The following MAP3K9 variants were observed in gnomAD, a reference collection of about 807,000 sequenced individuals.
MAP3K9 encodes the protein mixed lineage kinase 1 (tyr and ser/thr specificity).
In MAP3K9, 46 loss-of-function variants were observed where a neutral mutation model predicts 95.8. The ratio of observed to expected loss-of-function variants is 0.48; its 90% CI spans 0.38 to 0.61. MAP3K9 has a LOEUF of 0.61. MAP3K9 is among the 20% of genes least tolerant of loss of function. MAP3K9 has a pLI of 0.00. For missense variants in MAP3K9, 1,296 were observed against 1,474.3 expected (o/e 0.88, Z 1.98); for synonymous variants, 533 against 593.8 (o/e 0.90, Z 1.49).
At chr14:70,767,186 C>T (rs1056991936) in intron 2 of MAP3K9, among the ~76,000 whole-genome samples, 9 of 152,036 alleles carry the variant, frequency 5.9e-5, no homozygotes, top group South Asian at 4.2e-4. Context: ...CAGTTCAAGA[C>T]GAGACTGGCC....
chr14:70,743,512 G>GA (rs201887598), intron 5 of MAP3K9, among the ~76,000 whole-genome samples: 56 of 141,830 alleles, frequency 3.9e-4, no homozygotes, highest in Middle Eastern at 3.6e-3. Flanking sequence ...AAATTTACAA[G>GA]AAAAAAAAAA....
In MAP3K9 at chr14:70,722,887, CAT is replaced by C. The variant is rs1009363073; in HGVS notation, c.*7491_*7492del. 6 of 152,316 alleles carry C rather than the reference CAT, an allele frequency of 3.9e-5. No individual in the cohort carries two copies. The highest frequency in any genetic ancestry group is 3.9e-4 in the East Asian group (2 of 5,186). 9.4% of individuals were successfully genotyped at this position (152,316 alleles called of 1,614,324 possible). A position where few individuals can be genotyped will look rare whatever the true frequency, so the allele number is the denominator to read the frequency against. On this transcript the variant is annotated 3_prime_UTR_variant, in exon 12 of 12. Transcript: ENST00000554752. ...TAATTACAGAGCAACCAAACAAACA[CAT>C]GTGTGAACTTTCACTTCACCTAGAC...
rs1477791595 is a variant in MAP3K9, at chr14:70,725,750, G to A, written c.*4630C>T. 6.6e-6 allele frequency: 1 copy of A among 152,210 alleles called. No homozygotes were observed. Among genetic ancestry groups the A allele is most frequent in the Non-Finnish European group, 1.5e-5 (1 of 68,042 alleles). The allele number at this position is 152,210 out of a possible 1,614,324, so 9.4% of individuals were successfully genotyped here. A position where few individuals can be genotyped will look rare whatever the true frequency, so the allele number is the denominator to read the frequency against. On this transcript the variant is annotated 3_prime_UTR_variant, in exon 12 of 12. Coordinates refer to ENST00000554752, the MANE Select transcript of MAP3K9 (RefSeq NM_001284230.2). ...AGTCATTCTCAGACCTAAAGCCAAA[G>A]AGAGAGGCAGGTACATTAGGGTGAA...
intron 7 of MAP3K9, among the ~76,000 whole-genome samples, chr14:70,738,897 G>C (rs1020760093): frequency 2.0e-5 from 3 of 152,134 alleles, no homozygotes; most frequent in Non-Finnish European, 4.4e-5. Context: ...ACAGATAAGA[G>C]AGGAGGAATA....
Position 70,809,301 on chromosome 14 carries a change from T to G in MAP3K9, c.-130A>C. 9.6e-6 allele frequency: 11 copies of G among 1,140,698 alleles called. No homozygotes were observed. The highest frequency in any genetic ancestry group is 4.0e-5 in the South Asian group (1 of 24,946). 70.7% of individuals were successfully genotyped at this position (1,140,698 alleles called of 1,614,324 possible). ...CGGCGGCCGCAGGTAGGGCCCGGGC[T>G]GGCAGGGCTGGGAGAGCCGGCTCGC... On this transcript the variant is annotated 5_prime_UTR_variant, in exon 1 of 12. Transcript: ENST00000554752.
chr14:70,794,094 G>A (rs1457146724), intron 2 of MAP3K9, among the ~76,000 whole-genome samples: 1 of 152,210 alleles, frequency 6.6e-6, no homozygotes, highest in Non-Finnish European at 1.5e-5. Context: ...ACTGCGGAAG[G>A]GTTGGACAGG....
At chr14:70,762,259 A>C (rs1305919141) in intron 2 of MAP3K9, among the ~76,000 whole-genome samples, 1 of 152,186 alleles carries the variant, frequency 6.6e-6, no homozygotes. Flanking sequence ...CAGATCTAGG[A>C]GCATATTTGC....
rs966377454 is a variant in MAP3K9, at chr14:70,739,959, C to A, written c.1690+83G>T. 8 of 1,614,032 alleles carry A rather than the reference C, an allele frequency of 5.0e-6. No homozygotes were observed. In the African/African-American group the frequency reaches 1.1e-4, roughly 22 times the overall value. ...GGCAGAAGTTATGGATGGAGCAAGCCTGGACCAGTCGGTGGCTGGACAGAG... is the reference window on the plus strand; with the variant it reads ...GGCAGAAGTTATGGATGGAGCAAGCATGGACCAGTCGGTGGCTGGACAGAG... On this transcript the variant is annotated intron_variant, in intron 7 of 11. Transcript: ENST00000554752.
chr14:70,782,775 T>C (rs957916595), intron 2 of MAP3K9, among the ~76,000 whole-genome samples: 1 of 152,162 alleles, frequency 6.6e-6, no homozygotes, highest in Non-Finnish European at 1.5e-5. Context: ...TGAGACTTCC[T>C]AGCATCTTCC....
chr14:70,801,146 A>G, intron 1 of MAP3K9, 66 bp from the exon 2 acceptor site: 1 of 1,479,390 alleles, frequency 6.8e-7, no homozygotes, highest in Non-Finnish European at 9.1e-7. Flanking sequence ...TTAACCTTTC[A>G]TTTACCTGAG....
intron 2 of MAP3K9, among the ~76,000 whole-genome samples, chr14:70,790,187 G>C (rs1471527780): frequency 6.6e-6 from 1 of 152,178 alleles, no homozygotes; most frequent in East Asian, 1.9e-4. Flanking sequence ...TGGGGGAAGG[G>C]GACCACTTGT....
At chr14:70,748,704 G>T in intron 5 of MAP3K9, 125 bp downstream of exon 5, 1 of 684,920 alleles carries the variant, frequency 1.5e-6, no homozygotes, top group Non-Finnish European at 2.4e-6. Flanking sequence ...TGGAAGGTGG[G>T]CATGCTAGAA....
chr14:70,794,698 G>C (rs963081129), intron 2 of MAP3K9, among the ~76,000 whole-genome samples: 2 of 146,584 alleles, frequency 1.4e-5, no homozygotes, highest in African/African-American at 5.0e-5. Flanking sequence ...TTTTTTCCAA[G>C]ATGTTGTCTC....
At chr14:70,735,919 T>A in intron 9 of MAP3K9, 42 bp downstream of exon 9, 7 of 1,402,722 alleles carry the variant, frequency 5.0e-6, no homozygotes, top group Non-Finnish European at 7.1e-6. Flanking sequence ...GAAGGGAGAT[T>A]GTTACCAGGA....
chr14:70,750,539 C>T (rs181635814), intron 3 of MAP3K9, among the ~76,000 whole-genome samples: 1 of 152,276 alleles, frequency 6.6e-6, no homozygotes, highest in African/African-American at 2.4e-5. Flanking sequence ...GGCTGGAGTG[C>T]AGTGGCGTGA....
In MAP3K9 at chr14:70,727,915, G is replaced by C. The variant is rs1222739885; in HGVS notation, c.*2465C>G. ...CAGTTACACTACATCTAGAAAGATGGCTGCAACCTACCACAATGGCAAAAG... is the reference window on the plus strand; with the variant it reads ...CAGTTACACTACATCTAGAAAGATGCCTGCAACCTACCACAATGGCAAAAG... On this transcript the variant is annotated 3_prime_UTR_variant, in exon 12 of 12. Transcript: ENST00000554752. 6.6e-6 allele frequency: 1 copy of C among 152,164 alleles called. No homozygotes were observed. Among genetic ancestry groups the C allele is most frequent in the African/African-American group, 2.4e-5 (1 of 41,426 alleles). The allele number at this position is 152,164 out of a possible 1,614,324, so 9.4% of individuals were successfully genotyped here.
chr14:70,734,331 A>G, intron 10 of MAP3K9, 55 bp downstream of exon 10: 3 of 1,252,838 alleles, frequency 2.4e-6, no homozygotes, highest in Non-Finnish European at 3.5e-6. Flanking sequence ...CTTGGGCAAG[A>G]ATGCCCCCAG....
chr14:70,766,393 T>C (rs2054456070), intron 2 of MAP3K9, among the ~76,000 whole-genome samples: 1 of 152,076 alleles, frequency 6.6e-6, no homozygotes, highest in Non-Finnish European at 1.5e-5. Flanking sequence ...ATAGTTATTA[T>C]TATAATTAGG....
At chr14:70,767,111 C>T (rs988750081) in intron 2 of MAP3K9, among the ~76,000 whole-genome samples, 4 of 152,080 alleles carry the variant, frequency 2.6e-5, no homozygotes, top group Non-Finnish European at 4.4e-5. Context: ...CGGCTGGGTG[C>T]GGTGGCTCAT....
Sources: gnomAD v4.1 joint callset for allele counts (sites outside exome capture counted in the v4.1 genomes callset) on GRCh38, gnomAD v4.1.1 for gene constraint, MANE v1.5 for transcripts, NCBI Gene and HGNC (gene_info 2026-07-23, HGNC 2026-07-21) for gene names.